PXDC1: variants seen among roughly 807,000 people sequenced by gnomAD.
PXDC1 encodes PX domain containing 1.
In PXDC1, 13 loss-of-function variants were observed where a neutral mutation model predicts 24.4. The observed-to-expected ratio is 0.53, with a 90% CI of 0.35 to 0.85. The LOEUF is 0.85. Ranked by LOEUF, PXDC1 falls within the 40% of genes least tolerant of loss-of-function variation. The pLI is 0.01. For missense variants in PXDC1, 344 were observed against 309.3 expected, an observed-to-expected ratio of 1.11 and a Z score of -0.84; for synonymous variants, 162 against 124.9, an observed-to-expected ratio of 1.30 and a Z score of -1.98.
chr6:3,732,980 C>T (rs1581244208), intron 3 of PXDC1, among the ~76,000 whole-genome samples: 2 of 152,338 alleles, frequency 1.3e-5, no homozygotes, highest in Admixed American at 1.3e-4. Context: ...CCCTGCAGGG[C>T]CACAGTCCAT....
chr6:3,723,691 G>C lies in PXDC1; in HGVS notation c.624C>G (p.Asp208Glu), dbSNP rs749031098. The stretch of plus-strand genomic sequence containing the variant: ...GGTTGGTGACGTAGGCTGCTGGGTC[G>C]TCCCCGTCCTCCAGCTCTGAGGGAA... ...SEFPSELEDGDDPAAYVTNLS... is the reference protein window; with the variant it reads ...SEFPSELEDGEDPAAYVTNLS... Residue 208 changes from aspartate (D) to glutamate (E), a missense_variant, in exon 5 of 5, where the codon GAC becomes GAG. Asp to Glu is a conservative substitution (Grantham distance 45, BLOSUM62 2). Coordinates refer to ENST00000380283, the MANE Select transcript of PXDC1 (RefSeq NM_183373.4). The C allele has an allele frequency of 3.7e-6, 6 of 1,614,044 alleles. No homozygotes were observed. The Admixed American group carries it at 6.7e-5, about 18-fold the overall frequency.
chr6:3,740,627 C>T (rs1268092913), intron 1 of PXDC1, among the ~76,000 whole-genome samples: 1 of 152,208 alleles, frequency 6.6e-6, no homozygotes, highest in Non-Finnish European at 1.5e-5. Flanking sequence ...AGCCCACCTA[C>T]CTCACCAGCT....
chr6:3,736,346 C>T (rs1760314753), intron 3 of PXDC1, among the ~76,000 whole-genome samples: 1 of 152,140 alleles, frequency 6.6e-6, no homozygotes, highest in South Asian at 2.1e-4. Flanking sequence ...CTGGCTGAGC[C>T]ATGTCTCCTC....
At chr6:3,743,640 A>T (rs1760498250) in intron 1 of PXDC1, among the ~76,000 whole-genome samples, 1 of 152,246 alleles carries the variant, frequency 6.6e-6, no homozygotes, top group Non-Finnish European at 1.5e-5. Context: ...CTAGCTGGTT[A>T]TTCAATGCAT....
intron 1 of PXDC1, among the ~76,000 whole-genome samples, chr6:3,742,220 T>C (rs1431863628): frequency 6.6e-6 from 1 of 152,240 alleles, no homozygotes; most frequent in East Asian, 1.9e-4. Context: ...CTTTCTATCC[T>C]ACCTGTTGTA....
intron 1 of PXDC1, 57 bp downstream of exon 1, chr6:3,751,216 CCTT>C: frequency 7.9e-7 from 1 of 1,271,460 alleles, no homozygotes; most frequent in African/African-American, 1.6e-5. Context: ...TTCCCCGCCT[CCTT>C]CGTGCACTTC....
At chr6:3,750,554 T>G (rs1033195098) in intron 1 of PXDC1, among the ~76,000 whole-genome samples, 3 of 151,924 alleles carry the variant, frequency 2.0e-5, no homozygotes, top group African/African-American at 7.3e-5. Flanking sequence ...AAAAGAAAGA[T>G]CGGGCAGAGC....
chr6:3,740,981 C>A (rs550520992), intron 1 of PXDC1, among the ~76,000 whole-genome samples: 2 of 152,266 alleles, frequency 1.3e-5, no homozygotes, highest in African/African-American at 2.4e-5. Flanking sequence ...GCCAGGGATG[C>A]GATGTTCGCT....
At chr6:3,734,039 C>T (rs2127599330) in intron 3 of PXDC1, among the ~76,000 whole-genome samples, 1 of 152,324 alleles carries the variant, frequency 6.6e-6, no homozygotes, top group Non-Finnish European at 1.5e-5. Flanking sequence ...GGACACTGCA[C>T]CCCCATCACA....
rs2127597404 is a variant in PXDC1 at position 3,724,462 on chromosome 6, G to GA, written c.579-727dup. 6.6e-6 allele frequency among the ~76,000 whole-genome samples: 1 copy of GA among 152,306 alleles called. No homozygotes were observed. The highest frequency in any genetic ancestry group is 2.4e-5 in the African/African-American group (1 of 41,566). ...AGCCCAGGCAGACTTCCTACGTTAAGAAAAGAGACTCCAGGTCTTTAAAAA... is the reference window on the plus strand; with the variant it reads ...AGCCCAGGCAGACTTCCTACGTTAAGAAAAAGAGACTCCAGGTCTTTAAAAA... On this transcript the variant is annotated intron_variant, in intron 4 of 4. Transcript: ENST00000380283. The surrounding 1 kb of genome is among the most constrained non-coding windows in gnomAD (Gnocchi z 4.5).
At chr6:3,741,826 G>A (rs1340806351) in intron 1 of PXDC1, among the ~76,000 whole-genome samples, 1 of 152,160 alleles carries the variant, frequency 6.6e-6, no homozygotes, top group Admixed American at 6.5e-5. Context: ...AAATGCCAAC[G>A]CTCCCATTTC....
At chr6:3,744,347 T>A (rs73722551) in intron 1 of PXDC1, among the ~76,000 whole-genome samples, 1 of 152,110 alleles carries the variant, frequency 6.6e-6, no homozygotes, top group Non-Finnish European at 1.5e-5. Context: ...CCCGGCCTCC[T>A]GGCACGTCAT....
chr6:3,729,483 C>T (rs552637434), intron 3 of PXDC1, among the ~76,000 whole-genome samples: 1 of 152,304 alleles, frequency 6.6e-6, no homozygotes, highest in South Asian at 2.1e-4. Flanking sequence ...CCTCCCTGTA[C>T]CACCTGGTAG....
chr6:3,739,239 A>C, intron 1 of PXDC1: 3 of 723,982 alleles, frequency 4.1e-6, no homozygotes, highest in South Asian at 4.4e-5. Flanking sequence ...GTCCATGAAA[A>C]CTCCCACCAG....
intron 1 of PXDC1, among the ~76,000 whole-genome samples, chr6:3,743,178 T>G (rs770958559): frequency 6.6e-6 from 1 of 151,036 alleles, no homozygotes; most frequent in Non-Finnish European, 1.5e-5. Flanking sequence ...GCGGGAGGGC[T>G]TCCTGCTGCT....
In PXDC1 at chr6:3,737,092, T is replaced by C. The variant is rs144726421; in HGVS notation, c.453A>G (p.Pro151=). The change falls in exon 3 of 5, where the codon CCA becomes CCG. Residue 151 remains proline (P), a synonymous_variant. Transcript: ENST00000380283. This position sits in a 1 kb window ranked among gnomAD's most constrained non-coding sequence, Gnocchi z 5.5. The part of the protein sequence containing the change: ...VHKIQPSFQS[P]VKISEIMRSN... ...TGTGGCTCTTACCTGATATTTTGAC[T>C]GGACTTTGAAAGCTGGGTTGAATTT... is the stretch of plus-strand genomic sequence containing the variant. 225 of 1,605,988 alleles carry C rather than the reference T, an allele frequency of 1.4e-4. No homozygotes were observed. The highest frequency in any genetic ancestry group is 2.8e-5 in the Non-Finnish European group (33 of 1,172,682).
intron 4 of PXDC1, 64 bp from the exon 5 acceptor site, chr6:3,723,800 C>A: frequency 7.7e-7 from 1 of 1,299,570 alleles, no homozygotes. Flanking sequence ...AAACACCCGC[C>A]GGGACCATGA....
chr6:3,747,624 GTC>G (rs1234620737), intron 1 of PXDC1, among the ~76,000 whole-genome samples: 1 of 152,076 alleles, frequency 6.6e-6, no homozygotes, highest in Admixed American at 6.5e-5. Context: ...TTTCCTTCAT[GTC>G]TCTCTTCAAA....
At chr6:3,751,194 G>C in intron 1 of PXDC1, 82 bp downstream of exon 1, 1 of 1,099,258 alleles carries the variant, frequency 9.1e-7, no homozygotes, top group South Asian at 1.8e-5. Flanking sequence ...TCGCAATCTC[G>C]GTTGAAGTCT....
Sources: allele counts gnomAD v4.1 joint callset (sites outside exome capture counted in the v4.1 genomes callset), GRCh38; gene constraint gnomAD v4.1.1; non-coding constraint Gnocchi (gnomAD v3.1); transcripts MANE v1.5; gene names NCBI Gene and HGNC (gene_info 2026-07-23, HGNC 2026-07-21).